The following ST18 variants were observed in gnomAD, a reference collection of about 807,000 sequenced individuals.
ST18 encodes the protein suppression of tumorigenicity 18 protein.
In ST18, 50 loss-of-function variants were observed where a neutral mutation model predicts 110.0. That is an observed-to-expected ratio of 0.45 (90% CI 0.36 to 0.58). The LOEUF (loss-of-function observed/expected upper bound fraction) is 0.58. ST18 is among the 20% of genes least tolerant of loss of function. The pLI, the probability that ST18 is intolerant of heterozygous loss-of-function variation, is 0.00. For missense variants in ST18, 1,306 were observed against 1,280.1 expected, an observed-to-expected ratio of 1.02 and a Z score of -0.31; for synonymous variants, 461 against 452.4, an observed-to-expected ratio of 1.02 and a Z score of -0.24.
chr8:52,235,101 A>G (rs928165770), intron 2 of ST18, among the ~76,000 whole-genome samples: 10 of 152,162 alleles, frequency 6.6e-5, no homozygotes, highest in African/African-American at 1.2e-4. Context: ...CCTGTTCCCC[A>G]AAAACCTATG....
chr8:52,191,518 A>T (rs1329538394), intron 8 of ST18, among the ~76,000 whole-genome samples: 5 of 152,200 alleles, frequency 3.3e-5, no homozygotes, highest in Non-Finnish European at 5.9e-5. Flanking sequence ...CATCCACCAC[A>T]GTGGCGGGAG....
At chr8:52,140,550 T>TAGA (rs1166847170) in intron 17 of ST18, among the ~76,000 whole-genome samples, 8 of 22,136 alleles carry the variant, frequency 3.6e-4, no homozygotes, top group African/African-American at 7.4e-4. Flanking sequence ...TGATAGATGA[T>TAGA]AGATAGATAG....
In ST18 at chr8:52,180,230, G is replaced by A; in HGVS notation, c.169C>T (p.Leu57=). 1 of 1,614,160 alleles carries A rather than the reference G, an allele frequency of 6.2e-7. No individual in the cohort carries two copies. The highest frequency in any genetic ancestry group is 8.5e-7 in the Non-Finnish European group (1 of 1,180,026). The change falls in exon 9 of 26, where the codon CTG becomes TTG. Residue 57 remains leucine (L), a synonymous_variant. Coordinates refer to ENST00000689386, the MANE Select transcript of ST18 (RefSeq NM_001352837.2). ...LGVPVNKRKS[L]LMKPRHYSPK... is the part of the protein sequence containing the mutation. ...CTGTAGTGTCGGGGCTTCATTAGCAGGGATTTCCTTTTGTTGACTGGAACC... is the reference window on the plus strand; with the variant it reads ...CTGTAGTGTCGGGGCTTCATTAGCAAGGATTTCCTTTTGTTGACTGGAACC...
At chr8:52,357,708 TATATATATATATATA>T (rs1564568493) in intron 2 of ST18, among the ~76,000 whole-genome samples, 9,930 of 103,010 alleles carry the variant, frequency 0.096, 832 homozygotes, top group African/African-American at 0.25. Flanking sequence ...TATATATATA[TATATATATATATATA>T]TATATATAAA....
rs113599441 is a variant in ST18, at chr8:52,266,705, T to G, written c.-464-36628A>C. 5.3e-5 allele frequency among the ~76,000 whole-genome samples: 8 copies of G among 151,764 alleles called. No individual in the cohort carries two copies. In the East Asian group the frequency reaches 5.8e-4, roughly 11 times the overall value. On this transcript the variant is annotated intron_variant, in intron 2 of 25. Transcript: ENST00000689386. ...TACAGGCATGTGCCACCATGCCTGG[T>G]TAATTTTTTTGGATTTTTAGTAGAG...
chr8:52,176,306 G>C (rs1004863765), intron 9 of ST18, among the ~76,000 whole-genome samples: 6 of 152,204 alleles, frequency 3.9e-5, no homozygotes, highest in African/African-American at 1.4e-4. Flanking sequence ...ACAGGCGTGA[G>C]CCACCGCGCC....
At chr8:52,213,372 T>C (rs2082912097) in intron 7 of ST18, among the ~76,000 whole-genome samples, 1 of 151,786 alleles carries the variant, frequency 6.6e-6, no homozygotes, top group Non-Finnish European at 1.5e-5. Flanking sequence ...CCGCTGTCAG[T>C]TGTACATCTC....
chr8:52,196,875 C>T lies in ST18; in HGVS notation c.86+15204G>A, dbSNP rs73681228. Among the ~76,000 whole-genome samples the T allele has an allele frequency of 9.0e-3, 1,368 of 152,224 alleles. 19 individuals are homozygous for T. Among genetic ancestry groups the T allele is most frequent in the African/African-American group, 0.029 (1,193 of 41,520 alleles). On this transcript the variant is annotated intron_variant, in intron 8 of 25. Coordinates refer to ENST00000689386, the MANE Select transcript of ST18 (RefSeq NM_001352837.2). ...TCCTGGAGGTAAGGGCTATTTGCTA[C>T]GTCTTCTAGGCACTGTGGAAACACT...
chr8:52,216,832 T>C (rs1283335784), intron 6 of ST18, among the ~76,000 whole-genome samples: 1 of 152,180 alleles, frequency 6.6e-6, no homozygotes, highest in Non-Finnish European at 1.5e-5. Context: ...TCATATTCAA[T>C]GAGTACCTTG....
intron 3 of ST18, among the ~76,000 whole-genome samples, chr8:52,222,999 T>C (rs2087559783): frequency 6.6e-6 from 1 of 152,192 alleles, no homozygotes; most frequent in Non-Finnish European, 1.5e-5. Flanking sequence ...GGAAATGATG[T>C]GACAAGTGAG....
intron 2 of ST18, among the ~76,000 whole-genome samples, chr8:52,388,616 T>A (rs1366158211): frequency 6.6e-6 from 1 of 151,862 alleles, no homozygotes; most frequent in Non-Finnish European, 1.5e-5. Flanking sequence ...CGGCGCACGA[T>A]GGCGTAACGG....
intron 2 of ST18, among the ~76,000 whole-genome samples, chr8:52,388,856 C>T (rs868651206): frequency 1.4e-4 from 21 of 148,038 alleles, no homozygotes; most frequent in East Asian, 4.0e-4. Context: ...AGGAGATATA[C>T]CTAATGCTAA....
intron 2 of ST18, among the ~76,000 whole-genome samples, chr8:52,352,345 T>C (rs1820745766): frequency 1.3e-5 from 2 of 152,170 alleles, no homozygotes; most frequent in African/African-American, 4.8e-5. Context: ...TTCCTCAATA[T>C]CCAAGCAACG....
chr8:52,367,816 T>G (rs1180362246), intron 2 of ST18, among the ~76,000 whole-genome samples: 2 of 152,288 alleles, frequency 1.3e-5, no homozygotes, highest in Admixed American at 1.3e-4. Context: ...TCACCTTCCA[T>G]TCCTCAACCT....
At chr8:52,264,748 G>C (rs2094812623) in intron 2 of ST18, among the ~76,000 whole-genome samples, 1 of 152,152 alleles carries the variant, frequency 6.6e-6, no homozygotes, top group African/African-American at 2.4e-5. Flanking sequence ...GTATACTGAA[G>C]ACAAATCTAG....
chr8:52,392,862 G>C (rs1839774002), intron 2 of ST18, among the ~76,000 whole-genome samples: 2 of 152,206 alleles, frequency 1.3e-5, no homozygotes, highest in Admixed American at 1.3e-4. Flanking sequence ...AGTTACACAT[G>C]AAGACTTGGC....
intron 8 of ST18, among the ~76,000 whole-genome samples, chr8:52,200,433 A>G (rs2077569523): frequency 6.6e-6 from 1 of 152,240 alleles, no homozygotes; most frequent in Admixed American, 6.5e-5. Flanking sequence ...CAGCAGGAAC[A>G]GCATGCCAAG....
chr8:52,398,793 T>A (rs557508375), intron 2 of ST18, among the ~76,000 whole-genome samples: 1 of 152,218 alleles, frequency 6.6e-6, no homozygotes, highest in Admixed American at 6.5e-5. Flanking sequence ...GCAATAAACT[T>A]GGTCATGATG....
chr8:52,372,622 C>T (rs768455898), intron 2 of ST18, among the ~76,000 whole-genome samples: 20 of 152,192 alleles, frequency 1.3e-4, no homozygotes, highest in Non-Finnish European at 1.5e-4. Context: ...AGCACCTTTT[C>T]CATGTTTAAA....
Sources: allele counts gnomAD v4.1 joint callset (sites outside exome capture counted in the v4.1 genomes callset), GRCh38; gene constraint gnomAD v4.1.1; transcripts MANE v1.5; gene names NCBI Gene and HGNC (gene_info 2026-07-23, HGNC 2026-07-21).